The following FBXL17 variants were observed in gnomAD, a reference collection of about 807,000 sequenced individuals.
The protein encoded by FBXL17 is F-box/LRR-repeat protein 17.
FBXL17 carries 22 observed loss-of-function variants against 66.2 expected under a neutral mutation model. The observed-to-expected ratio is 0.33, with a 90% CI of 0.24 to 0.47. The LOEUF (loss-of-function observed/expected upper bound fraction) is 0.47. Among genes scored for constraint, FBXL17 ranks in the 20% least tolerant of loss-of-function variants. The probability of loss-of-function intolerance (pLI) is 1.00; values close to 1 mark genes in which losing one functional copy is unlikely to be tolerated. For missense variants in FBXL17, 878 were observed against 948.2 expected, an observed-to-expected ratio of 0.93 and a Z score of 0.97; for synonymous variants, 474 against 400.5, an observed-to-expected ratio of 1.18 and a Z score of -2.19.
intron 4 of FBXL17, among the ~76,000 whole-genome samples, chr5:108,229,070 C>CA (rs376071024): frequency 6.6e-6 from 1 of 152,064 alleles, no homozygotes; most frequent in African/African-American, 2.4e-5. Flanking sequence ...GTTAAAAATG[C>CA]AAAATCTGTA....
chr5:108,354,149 T>C (rs1411854319), intron 3 of FBXL17, among the ~76,000 whole-genome samples: 1 of 152,192 alleles, frequency 6.6e-6, no homozygotes, highest in Non-Finnish European at 1.5e-5. Flanking sequence ...ACATTCAACC[T>C]GTGCATCGTG....
At chr5:108,317,333 TG>T (rs940820942) in intron 4 of FBXL17, among the ~76,000 whole-genome samples, 4 of 150,658 alleles carry the variant, frequency 2.7e-5, no homozygotes, top group African/African-American at 9.7e-5. Flanking sequence ...TTTTGTTTTT[TG>T]TTTTTTTTTT....
chr5:108,165,050 GACA>G (rs1752363576), intron 6 of FBXL17, among the ~76,000 whole-genome samples: 1 of 152,126 alleles, frequency 6.6e-6, no homozygotes, highest in African/African-American at 2.4e-5. Context: ...TTCCTAAGGA[GACA>G]ACAAAAAGTA....
intron 6 of FBXL17, among the ~76,000 whole-genome samples, chr5:108,133,940 T>C (rs546042894): frequency 6.6e-6 from 1 of 152,102 alleles, no homozygotes; most frequent in Non-Finnish European, 1.5e-5. Context: ...CTCAGTACAC[T>C]TGGAAGAATA....
chr5:108,118,777 C>T (rs1402852893), intron 6 of FBXL17, among the ~76,000 whole-genome samples: 4 of 152,200 alleles, frequency 2.6e-5, no homozygotes, highest in African/African-American at 9.6e-5. Flanking sequence ...TCACTATCAC[C>T]TCCAGGCTTA....
intron 4 of FBXL17, among the ~76,000 whole-genome samples, chr5:108,318,241 G>C (rs1759461879): frequency 6.6e-6 from 1 of 151,590 alleles, no homozygotes; most frequent in African/African-American, 2.4e-5. Context: ...CTCAGTAACA[G>C]AACAATAATA....
intron 5 of FBXL17, among the ~76,000 whole-genome samples, chr5:108,210,909 G>A (rs1231355368): frequency 6.6e-6 from 1 of 152,012 alleles, no homozygotes; most frequent in Non-Finnish European, 1.5e-5. Flanking sequence ...TTGACAGTGG[G>A]GTGTTAAAGT....
intron 7 of FBXL17, among the ~76,000 whole-genome samples, chr5:107,974,924 TTG>T (rs748545986): frequency 6.6e-6 from 1 of 151,940 alleles, no homozygotes; most frequent in Non-Finnish European, 1.5e-5. Context: ...GACCTTGGAG[TTG>T]TATAAACATA....
At chr5:108,264,140 A>G (rs1425805808) in intron 4 of FBXL17, among the ~76,000 whole-genome samples, 1 of 136,384 alleles carries the variant, frequency 7.3e-6, no homozygotes, top group East Asian at 2.4e-4. Context: ...GCTGGAACCC[A>G]GGAGGTGGAG....
chr5:107,871,636 G>C (rs185181046), intron 8 of FBXL17, among the ~76,000 whole-genome samples: 44 of 152,186 alleles, frequency 2.9e-4, no homozygotes, highest in African/African-American at 1.1e-3. Flanking sequence ...GCATATGCAC[G>C]TGTGGTGCAG....
chr5:108,374,681 A>G (rs1249681335), intron 1 of FBXL17, among the ~76,000 whole-genome samples: 1 of 152,184 alleles, frequency 6.6e-6, no homozygotes, highest in Non-Finnish European at 1.5e-5. Context: ...GTTTCAAAAA[A>G]TGAAAGAAAA....
intron 8 of FBXL17, among the ~76,000 whole-genome samples, chr5:107,869,582 A>G (rs1748383487): frequency 6.6e-6 from 1 of 152,206 alleles, no homozygotes; most frequent in African/African-American, 2.4e-5. Flanking sequence ...TGCACAGCTG[A>G]CAACATGTGC....
At chr5:108,224,577 GGTTT>G (rs1755017546) in intron 4 of FBXL17, among the ~76,000 whole-genome samples, 1 of 150,850 alleles carries the variant, frequency 6.6e-6, no homozygotes, top group African/African-American at 2.4e-5. Context: ...ATATATGGTT[GGTTT>G]GTTTTGGGGT....
chr5:108,371,853 C>G (rs1580913728), intron 1 of FBXL17, among the ~76,000 whole-genome samples: 1 of 152,068 alleles, frequency 6.6e-6, no homozygotes, highest in Non-Finnish European at 1.5e-5. Flanking sequence ...CAAAGATGAC[C>G]TCTGTGTATT....
chr5:108,306,027 C>G (rs1193644600), intron 4 of FBXL17, among the ~76,000 whole-genome samples: 2 of 152,016 alleles, frequency 1.3e-5, no homozygotes, highest in African/African-American at 4.8e-5. Context: ...CTGAGTAGAT[C>G]CCCAATATCC....
chr5:108,154,636 C>CATATGTATAT (rs1561437179), intron 6 of FBXL17, among the ~76,000 whole-genome samples: 3 of 98,566 alleles, frequency 3.0e-5, no homozygotes, highest in Non-Finnish European at 6.3e-5. Context: ...CACACACACA[C>CATATGTATAT]ACACACACAC....
rs555531892 is a variant in FBXL17 at position 108,197,222 on chromosome 5, G to A, written c.1615-10975C>T. Among the ~76,000 whole-genome samples the A allele has an allele frequency of 3.9e-5, 6 of 152,274 alleles. No homozygotes were observed. In the South Asian group the frequency reaches 6.2e-4, roughly 16 times the overall value. The stretch of plus-strand genomic sequence containing the variant: ...CTTGTCACTTTTTTACCCAGCAGGA[G>A]CTAAGAATGAAAATTTCCCTTCAAT... On this transcript the variant is annotated intron_variant, in intron 5 of 8. Transcript: ENST00000542267.
chr5:107,992,094 G>GTT (rs951721502), intron 7 of FBXL17, among the ~76,000 whole-genome samples: 4 of 101,934 alleles, frequency 3.9e-5, no homozygotes. Flanking sequence ...TTAATTGTGT[G>GTT]TGTGTGTGTG....
At chr5:107,943,113 A>G (rs1751169546) in intron 7 of FBXL17, among the ~76,000 whole-genome samples, 1 of 152,106 alleles carries the variant, frequency 6.6e-6, no homozygotes, top group African/African-American at 2.4e-5. Context: ...AGGTGAGCCC[A>G]GGCTCTGTCA....
Sources: gnomAD v4.1 joint callset for allele counts (sites outside exome capture counted in the v4.1 genomes callset) on GRCh38, gnomAD v4.1.1 for gene constraint, MANE v1.5 for transcripts, NCBI Gene and HGNC (gene_info 2026-07-23, HGNC 2026-07-21) for gene names.